The following SEC14L6 variants were observed in gnomAD, a reference collection of about 807,000 sequenced individuals.
The protein encoded by SEC14L6 is SEC14 like lipid binding 6.
SEC14L6 carries 40 observed loss-of-function variants against 54.1 expected under a neutral mutation model. That is an observed-to-expected ratio of 0.74 (90% CI 0.57 to 0.96). SEC14L6 has a LOEUF of 0.96. Ranked by LOEUF, SEC14L6 falls within the 40% of genes least tolerant of loss-of-function variation. The probability of loss-of-function intolerance (pLI) is 0.00; values close to 1 mark genes in which losing one functional copy is unlikely to be tolerated. For missense variants in SEC14L6, 471 were observed against 498.3 expected (o/e 0.95, Z 0.52); for synonymous variants, 171 against 198.4 (o/e 0.86, Z 1.16).
At chr22:30,528,101 T>C (rs1936836449) in intron 8 of SEC14L6, among the ~76,000 whole-genome samples, 1 of 151,430 alleles carries the variant, frequency 6.6e-6, no homozygotes, top group African/African-American at 2.4e-5. Context: ...GCTTATATAA[T>C]TTGGAAAACC....
At chr22:30,526,973 C>T (rs1936799383) in intron 8 of SEC14L6, among the ~76,000 whole-genome samples, 1 of 152,022 alleles carries the variant, frequency 6.6e-6, no homozygotes, top group African/African-American at 2.4e-5. Flanking sequence ...TAGTGTGCAT[C>T]TATAGTGCCA....
rs1352704977 is a variant in SEC14L6 at position 30,531,945 on chromosome 22, G to A, written c.477C>T (p.Gly159=). 3 of 1,550,750 alleles carry A rather than the reference G, an allele frequency of 1.9e-6. No individual in the cohort carries two copies. The highest frequency in any genetic ancestry group is 2.6e-6 in the Non-Finnish European group (3 of 1,147,000). ...TTCCTGGCTTCCACAGATCCCTCAG[G>A]CCCAGCCCTTCGAGACCAAAAATAG... is the stretch of plus-strand genomic sequence containing the variant. ...IIAIFGLEGL[G]LRDLWKPGIE... Residue 159 remains glycine, a synonymous_variant, in exon 6 of 12, where the codon GGC becomes GGT. Transcript: ENST00000402034.
chr22:30,532,698 T>C lies in SEC14L6; in HGVS notation c.250A>G (p.Asn84Asp). ...TCGTGGCCGCATATGCCGTTAGCGT[T>C]GTACAGCCTGACCACCTGGATGCAT... ...WQPPEVVRLY[N>D]ANGICGHDGE... Residue 84 changes from asparagine (N) to aspartate (D), a missense_variant, in exon 5 of 12, where the codon AAC becomes GAC. Physicochemically the swap from Asn to Asp is conservative, Grantham distance 23. Coordinates refer to ENST00000402034, the MANE Select transcript of SEC14L6 (RefSeq NM_001193336.4). The C allele has an allele frequency of 1.3e-6, 2 of 1,562,874 alleles. No homozygotes were observed. Among genetic ancestry groups the C allele is most frequent in the Non-Finnish European group, 1.7e-6 (2 of 1,153,548 alleles).
rs1937010467 is a variant in SEC14L6, at chr22:30,532,439, G to C, written c.423+86C>G. On this transcript the variant is annotated intron_variant, in intron 5 of 11. Coordinates refer to ENST00000402034, the MANE Select transcript of SEC14L6 (RefSeq NM_001193336.4). Reference sequence around the variant, plus strand: ...CCAGGAGGAGCCGAGGAGCCCAGGAGCCCAGGAAGGCAGATTCTGGGTGTG... The same window carrying C: ...CCAGGAGGAGCCGAGGAGCCCAGGACCCCAGGAAGGCAGATTCTGGGTGTG... 1.1e-5 allele frequency: 16 copies of C among 1,395,888 alleles called. No homozygotes were observed. In the South Asian group the frequency reaches 2.3e-4, roughly 20 times the overall value. The allele number at this position is 1,395,888 out of a possible 1,614,324, so 86.5% of individuals were successfully genotyped here.
At chr22:30,539,083 GAACC>G (rs943776400) in intron 1 of SEC14L6, among the ~76,000 whole-genome samples, 181 bp from the exon 2 acceptor site, 6 of 152,122 alleles carry the variant, frequency 3.9e-5, no homozygotes, top group Admixed American at 3.3e-4. Context: ...ATGATATAAA[GAACC>G]AACTACAGGC....
At chr22:30,528,760 AG>A (rs1481437398) in intron 8 of SEC14L6, among the ~76,000 whole-genome samples, 1 of 152,138 alleles carries the variant, frequency 6.6e-6, no homozygotes, top group Non-Finnish European at 1.5e-5. Context: ...TAAACAGATG[AG>A]GAAACCAAGA....
intron 1 of SEC14L6, among the ~76,000 whole-genome samples, chr22:30,544,502 C>G (rs1293327812): frequency 6.6e-6 from 1 of 152,196 alleles, no homozygotes; most frequent in Non-Finnish European, 1.5e-5. Context: ...CACCCCTCAA[C>G]TGGGGCTTGA....
At chr22:30,540,329 C>A (rs1200584348) in intron 1 of SEC14L6, among the ~76,000 whole-genome samples, 1 of 148,198 alleles carries the variant, frequency 6.7e-6, no homozygotes, top group Non-Finnish European at 1.5e-5. Context: ...GCAGAATGTC[C>A]TTTTCCTGAT....
chr22:30,532,298 G>A (rs1221660364), intron 5 of SEC14L6: 1 of 983,750 alleles, frequency 1.0e-6, no homozygotes, highest in Non-Finnish European at 1.2e-6. Context: ...GTGTGGCCCA[G>A]TGGATTGAGT....
intron 6 of SEC14L6, among the ~76,000 whole-genome samples, chr22:30,531,122 T>C (rs949748181): frequency 2.0e-5 from 3 of 152,022 alleles, no homozygotes; most frequent in Non-Finnish European, 2.9e-5. Context: ...AGTAAGGAAC[T>C]GTAGGCCAGG....
intron 1 of SEC14L6, among the ~76,000 whole-genome samples, chr22:30,540,512 T>C (rs538855660): frequency 1.3e-5 from 2 of 151,856 alleles, no homozygotes; most frequent in South Asian, 4.2e-4. Context: ...GCTCAGGAGT[T>C]TGAGACCACC....
At chr22:30,525,306 C>T (rs759413901) in intron 11 of SEC14L6, 44 bp downstream of exon 11, 1 of 1,597,006 alleles carries the variant, frequency 6.3e-7, no homozygotes, top group East Asian at 2.3e-5. Context: ...GCACCCTCCC[C>T]CTAGCCCCCA....
intron 1 of SEC14L6, among the ~76,000 whole-genome samples, chr22:30,545,013 G>A (rs1231378487): frequency 1.3e-5 from 2 of 151,224 alleles, no homozygotes; most frequent in Admixed American, 6.6e-5. Flanking sequence ...CTCCCACCCC[G>A]CATACACCAC....
At chr22:30,530,294 C>T (rs968907210) in intron 6 of SEC14L6, among the ~76,000 whole-genome samples, 2 of 152,120 alleles carry the variant, frequency 1.3e-5, no homozygotes, top group African/African-American at 2.4e-5. Context: ...CCTGTAATCC[C>T]AGCTACTTGG....
intron 5 of SEC14L6, 163 bp downstream of exon 5, chr22:30,532,357 ACTGTG>A (rs1937006908): frequency 1.1e-6 from 1 of 932,572 alleles, no homozygotes; most frequent in South Asian, 4.9e-5. Flanking sequence ...TCAGCCACAT[ACTGTG>A]TGGCCTTGGG....
At chr22:30,543,455 C>A (rs2085759515) in intron 1 of SEC14L6, 1 of 1,611,916 alleles carries the variant, frequency 6.2e-7, no homozygotes, top group Non-Finnish European at 8.5e-7. Context: ...GTGTCCCGGA[C>A]AGAAACGGCC....
At chr22:30,526,068 C>T (rs374703040) in intron 8 of SEC14L6, 136 bp from the exon 9 acceptor site, 1 of 1,028,598 alleles carries the variant, frequency 9.7e-7, no homozygotes. Context: ...TTGCCTAGAG[C>T]AGTCCTGTCC....
Position 30,524,397 on chromosome 22 carries a change from A to T in SEC14L6, c.*600T>A, listed in dbSNP as rs1051725484. 6.6e-6 allele frequency: 1 copy of T among 151,818 alleles called. No individual in the cohort carries two copies. The highest frequency in any genetic ancestry group is 2.4e-5 in the African/African-American group (1 of 41,312). 9.4% of individuals were successfully genotyped at this position (151,818 alleles called of 1,614,324 possible). ...TACTATTTTATTTTATTTTTTTGAG[A>T]CAGAGTCTCACTCTGTCACCCAGAC... On this transcript the variant is annotated 3_prime_UTR_variant, in exon 12 of 12. Transcript: ENST00000402034.
Position 30,543,165 on chromosome 22 carries a change from C to G in SEC14L6, c.54+3464G>C, listed in dbSNP as rs541908851. 3.7e-6 allele frequency: 6 copies of G among 1,603,848 alleles called. No homozygotes were observed. In the East Asian group the frequency reaches 1.3e-4, roughly 36 times the overall value. On this transcript the variant is annotated intron_variant, in intron 1 of 11. Transcript: ENST00000402034. ...TCTCAGACTTCCAGACCAACGTGGA[C>G]CCCGCAAGAGAGAGCGTGTCCTACA... is the stretch of plus-strand genomic sequence containing the variant.
Sources: gnomAD v4.1 joint callset for allele counts (sites outside exome capture counted in the v4.1 genomes callset) on GRCh38, gnomAD v4.1.1 for gene constraint, MANE v1.5 for transcripts, NCBI Gene and HGNC (gene_info 2026-07-23, HGNC 2026-07-21) for gene names.